Variants in PCDH9 observed in about 807,000 individuals in gnomAD.
PCDH9 encodes the protein protocadherin-9.
A neutral mutation model predicts 70.6 loss-of-function variants in PCDH9; 24 were observed. The observed-to-expected ratio is 0.34, with a 90% CI of 0.25 to 0.48. The LOEUF (loss-of-function observed/expected upper bound fraction) is 0.48. Ranked by LOEUF, PCDH9 falls within the 20% of genes least tolerant of loss-of-function variation. The pLI is 0.99. For synonymous variants in PCDH9, 562 were observed against 558.5 expected (o/e 1.01, Z -0.09); for missense variants, 1,281 against 1,503.6 (o/e 0.85, Z 2.45).
intron 2 of PCDH9, among the ~76,000 whole-genome samples, chr13:67,074,210 G>A (rs1383490450): frequency 6.6e-6 from 1 of 152,012 alleles, no homozygotes; most frequent in East Asian, 1.9e-4. Flanking sequence ...AATGGTATTA[G>A]GAGGTGGGGG....
At chr13:67,164,447 C>T (rs2088050262) in intron 2 of PCDH9, among the ~76,000 whole-genome samples, 1 of 151,718 alleles carries the variant, frequency 6.6e-6, no homozygotes, top group Non-Finnish European at 1.5e-5. Flanking sequence ...TGGTGGCAGG[C>T]ACCTATAATC....
intron 2 of PCDH9, among the ~76,000 whole-genome samples, chr13:67,186,885 C>CA (rs2088773923): frequency 6.6e-6 from 1 of 152,090 alleles, no homozygotes; most frequent in Admixed American, 6.5e-5. Context: ...TTAACATCTA[C>CA]AAAAAAGACA....
intron 3 of PCDH9, among the ~76,000 whole-genome samples, chr13:66,796,165 T>C (rs979635303): frequency 2.6e-5 from 4 of 152,184 alleles, no homozygotes; most frequent in African/African-American, 7.2e-5. Flanking sequence ...GTGGCTATCA[T>C]CTGCAGTTGG....
intron 4 of PCDH9, among the ~76,000 whole-genome samples, chr13:66,520,040 T>C (rs1959918318): frequency 6.6e-6 from 1 of 152,160 alleles, no homozygotes; most frequent in African/African-American, 2.4e-5. Context: ...GAGCGGGCCT[T>C]GTCCTGTCCT....
chr13:66,421,563 A>G (rs1459740517), intron 4 of PCDH9, among the ~76,000 whole-genome samples: 2 of 152,238 alleles, frequency 1.3e-5, no homozygotes, highest in East Asian at 3.8e-4. Context: ...AGCCAAACTA[A>G]GATTCATAAG....
chr13:67,139,687 T>C (rs1242407130), intron 2 of PCDH9, among the ~76,000 whole-genome samples: 1 of 152,174 alleles, frequency 6.6e-6, no homozygotes, highest in Non-Finnish European at 1.5e-5. Flanking sequence ...TACATCTGGT[T>C]ACCCAATCCA....
intron 4 of PCDH9, among the ~76,000 whole-genome samples, chr13:66,325,572 A>G (rs1955828886): frequency 6.6e-6 from 1 of 152,094 alleles, no homozygotes; most frequent in Admixed American, 6.5e-5. Flanking sequence ...CTTCAGAGAG[A>G]TAAAGGATGC....
chr13:66,695,085 A>G (rs566943814), intron 3 of PCDH9, among the ~76,000 whole-genome samples: 1 of 152,050 alleles, frequency 6.6e-6, no homozygotes, highest in South Asian at 2.1e-4. Flanking sequence ...TTGTATTTTT[A>G]GTAAAGACGG....
chr13:67,178,529 A>C (rs1395820766), intron 2 of PCDH9, among the ~76,000 whole-genome samples: 7 of 152,180 alleles, frequency 4.6e-5, no homozygotes, highest in Non-Finnish European at 8.8e-5. Flanking sequence ...ACATTTTCTT[A>C]GTTTATAATT....
intron 3 of PCDH9, among the ~76,000 whole-genome samples, chr13:66,744,780 C>T (rs17081681): frequency 0.28 from 42,562 of 151,990 alleles, 6,489 homozygotes; most frequent in East Asian, 0.44. Flanking sequence ...TTTCTGGTCC[C>T]AGCTGGCCCA....
intron 2 of PCDH9, among the ~76,000 whole-genome samples, chr13:66,975,723 C>A: frequency 6.6e-6 from 1 of 151,948 alleles, no homozygotes; most frequent in East Asian, 1.9e-4. Flanking sequence ...TGCCAGGAAC[C>A]AGATAACTAG....
chr13:66,772,074 G>A (rs948819966), intron 3 of PCDH9, among the ~76,000 whole-genome samples: 5 of 152,142 alleles, frequency 3.3e-5, no homozygotes, highest in South Asian at 2.1e-4. Flanking sequence ...AAGGCATAAG[G>A]TAGCCAACAT....
chr13:66,304,320 A>G lies in PCDH9; in HGVS notation c.*335T>C, dbSNP rs938475840. On this transcript the variant is annotated 3_prime_UTR_variant, in exon 5 of 5. Coordinates refer to ENST00000377865, the MANE Select transcript of PCDH9 (RefSeq NM_203487.3). The stretch of plus-strand genomic sequence containing the variant: ...TTCTAACTGGATATGTTTTTCAGTC[A>G]CTCTAATCCATGAAACTTTCTTACT... The G allele has an allele frequency of 6.4e-5, 11 of 173,178 alleles. No homozygotes were observed. The highest frequency in any genetic ancestry group is 2.4e-4 in the African/African-American group (10 of 41,468). The allele number at this position is 173,178 out of a possible 1,614,324, so 10.7% of individuals were successfully genotyped here. A position where few individuals can be genotyped will look rare whatever the true frequency, so the allele number is the denominator to read the frequency against.
intron 2 of PCDH9, among the ~76,000 whole-genome samples, chr13:67,186,039 C>T (rs1181601853): frequency 1.3e-5 from 2 of 152,040 alleles, no homozygotes; most frequent in African/African-American, 4.8e-5. Context: ...ACCCTGCAAG[C>T]ATCTTTAATA....
At chr13:67,059,019 C>T (rs1000477542) in intron 2 of PCDH9, among the ~76,000 whole-genome samples, 17 of 152,028 alleles carry the variant, frequency 1.1e-4, no homozygotes, top group African/African-American at 3.9e-4. Flanking sequence ...CCTCTTCTTC[C>T]TCTTCTTACA....
chr13:67,178,514 T>C (rs2088526592), intron 2 of PCDH9, among the ~76,000 whole-genome samples: 1 of 152,094 alleles, frequency 6.6e-6, no homozygotes, highest in Non-Finnish European at 1.5e-5. Context: ...CTTAGAAAAA[T>C]GTCTACATTT....
chr13:67,181,073 G>A (rs1053045260), intron 2 of PCDH9, among the ~76,000 whole-genome samples: 3 of 152,014 alleles, frequency 2.0e-5, no homozygotes, highest in East Asian at 3.9e-4. Flanking sequence ...GAGATGTGTC[G>A]GAACCCAGAG....
intron 3 of PCDH9, among the ~76,000 whole-genome samples, chr13:66,653,200 T>G (rs965425827): frequency 5.9e-5 from 9 of 152,060 alleles, no homozygotes; most frequent in African/African-American, 2.2e-4. Context: ...TTTCCTTTGT[T>G]GTCTAACAAA....
At position 66,304,680 on chromosome 13, in the gene PCDH9, T is replaced by C; in HGVS notation, c.3689A>G (p.Glu1230Gly). 1 of 1,613,202 alleles carries C rather than the reference T, an allele frequency of 6.2e-7. No homozygotes were observed. The highest frequency in any genetic ancestry group is 8.5e-7 in the Non-Finnish European group (1 of 1,179,422). ...TTAGAGTTGGTGCTCCTTAGGACTC[T>C]CAGTAGCACCTCCTGCTTGCTTATA... ...KSYKQAGGATESPKEHQL is the reference protein window; with the variant it reads ...KSYKQAGGATGSPKEHQL Residue 1230 changes from glutamate to glycine, a missense_variant, in exon 5 of 5, where the codon GAG (glutamate) becomes GGG (glycine). By Grantham distance (98) the Glu-to-Gly change is moderately conservative. Around this residue, in one of 4 missense-constraint regions of PCDH9, gnomAD observed 264 missense variants for 278.8 expected, o/e 0.95. Transcript: ENST00000377865.
Sources: allele counts gnomAD v4.1 joint callset (sites outside exome capture counted in the v4.1 genomes callset), GRCh38; gene constraint gnomAD v4.1.1; regional missense constraint gnomAD v4.1.1; transcripts MANE v1.5; gene names NCBI Gene and HGNC (gene_info 2026-07-23, HGNC 2026-07-21).